The following MYT1L variants were observed in gnomAD, a reference collection of about 807,000 sequenced individuals.
MYT1L encodes the protein myelin transcription factor 1-like protein.
Under a neutral mutation model 126.7 loss-of-function variants are expected in MYT1L, and 12 were observed. The observed-to-expected ratio is 0.09, with a 90% CI of 0.06 to 0.15. The LOEUF is 0.15. Ranked by LOEUF, MYT1L falls within the 10% of genes least tolerant of loss-of-function variation. The pLI is 1.00. For missense variants in MYT1L, 979 were observed against 1,585.2 expected (o/e 0.62, Z 6.49); for synonymous variants, 541 against 604.2 (o/e 0.90, Z 1.53).
chr2:1,945,175 A>T (rs1364074953), intron 8 of MYT1L, among the ~76,000 whole-genome samples: 1 of 152,200 alleles, frequency 6.6e-6, no homozygotes, highest in Non-Finnish European at 1.5e-5. Flanking sequence ...GGTCCAATCA[A>T]CTTCGTGGAT....
intron 2 of MYT1L, among the ~76,000 whole-genome samples, chr2:2,267,093 A>G (rs950658099): frequency 1.3e-5 from 2 of 152,174 alleles, no homozygotes; most frequent in African/African-American, 4.8e-5. Context: ...CTGAGCCAGG[A>G]GGCGAATAGA....
intron 19 of MYT1L, among the ~76,000 whole-genome samples, chr2:1,847,559 G>A (rs2042669839): frequency 6.6e-6 from 1 of 152,102 alleles, no homozygotes; most frequent in Non-Finnish European, 1.5e-5. Context: ...GAGAAGGCCT[G>A]GGGGTCGGAG....
intron 16 of MYT1L, among the ~76,000 whole-genome samples, chr2:1,888,713 T>C (rs1157096596): frequency 6.6e-6 from 1 of 152,258 alleles, no homozygotes; most frequent in African/African-American, 2.4e-5. Flanking sequence ...TTGACATAGA[T>C]GTTTTAGTAA....
At chr2:1,823,612 G>A (rs961156666) in intron 21 of MYT1L, among the ~76,000 whole-genome samples, 3 of 150,532 alleles carry the variant, frequency 2.0e-5, no homozygotes, top group African/African-American at 7.3e-5. Flanking sequence ...TCAGCTGGCT[G>A]CATGTTCAGC....
At chr2:2,069,167 C>T (rs769486734) in intron 3 of MYT1L, among the ~76,000 whole-genome samples, 3 of 152,036 alleles carry the variant, frequency 2.0e-5, no homozygotes, top group Admixed American at 6.6e-5. Flanking sequence ...TGGTTTGCTA[C>T]ACCCGTCAAC....
intron 2 of MYT1L, among the ~76,000 whole-genome samples, chr2:2,175,953 T>A (rs1177823421): frequency 6.6e-6 from 1 of 152,236 alleles, no homozygotes; most frequent in Non-Finnish European, 1.5e-5. Flanking sequence ...GCCTGTACTA[T>A]GGAGTACATA....
intron 2 of MYT1L, among the ~76,000 whole-genome samples, chr2:2,182,276 G>A (rs1458257132): frequency 6.6e-6 from 1 of 152,170 alleles, no homozygotes; most frequent in Non-Finnish European, 1.5e-5. Flanking sequence ...CAGATTGTTA[G>A]AACAGTACCC....
At position 1,861,897 on chromosome 2, in the gene MYT1L, A is replaced by ACAGCCTGTGTAATCCTGGATCTGCCTG. The variant is rs2044701155; in HGVS notation, c.2712-10195_2712-10194insCAGGCAGATCCAGGATTACACAGGCTG. 1.6e-3 allele frequency among the ~76,000 whole-genome samples: 7 copies of ACAGCCTGTGTAATCCTGGATCTGCCTG among 4,368 alleles called. 2 individuals carry two copies. The highest frequency in any genetic ancestry group is 5.3e-3 in the African/African-American group (7 of 1,318). 2.9% of individuals were successfully genotyped at this position (4,368 alleles called of 152,430 possible). A position where few individuals can be genotyped will look rare whatever the true frequency, so the allele number is the denominator to read the frequency against. ...AGCCTGTGTAATCCTGGATCCTCCT[A>ACAGCCTGTGTAATCCTGGATCTGCCTG]CAGCCTGTGTAATCCTGGATCCTCC... On this transcript the variant is annotated intron_variant, in intron 18 of 24. Transcript: ENST00000647738.
chr2:1,903,693 C>T (rs2050642207), intron 13 of MYT1L, among the ~76,000 whole-genome samples: 1 of 152,096 alleles, frequency 6.6e-6, no homozygotes, highest in Non-Finnish European at 1.5e-5. Context: ...GATAAAAAAT[C>T]CCCCTTAAAA....
At chr2:2,093,568 T>C (rs941495232) in intron 3 of MYT1L, among the ~76,000 whole-genome samples, 5 of 152,176 alleles carry the variant, frequency 3.3e-5, no homozygotes, top group South Asian at 2.1e-4. Context: ...TTGTTTGAGT[T>C]CTTTGTAGAT....
chr2:1,998,784 C>T (rs1213732550), intron 4 of MYT1L, among the ~76,000 whole-genome samples: 1 of 152,110 alleles, frequency 6.6e-6, no homozygotes, highest in Non-Finnish European at 1.5e-5. Context: ...TCTGAACTAT[C>T]TTACAGAATC....
intron 3 of MYT1L, among the ~76,000 whole-genome samples, chr2:2,172,665 G>T (rs1050537292): frequency 1.4e-4 from 21 of 149,178 alleles, no homozygotes; most frequent in African/African-American, 5.2e-4. Context: ...TGCTGGGCAG[G>T]GGTACCTGTA....
chr2:2,260,185 C>T (rs1158981522), intron 2 of MYT1L, among the ~76,000 whole-genome samples: 5 of 152,306 alleles, frequency 3.3e-5, no homozygotes, highest in South Asian at 2.1e-4. Context: ...CCTGGCTCCC[C>T]GCTGACTGAT....
chr2:1,979,742 C>G lies in MYT1L; in HGVS notation c.36G>C (p.Thr12=), dbSNP rs544383762. The change falls in exon 6 of 25, where the codon ACG becomes ACC. Residue 12 remains threonine, a synonymous_variant. Coordinates refer to ENST00000647738, the MANE Select transcript of MYT1L (RefSeq NM_001303052.2). This position sits in a 1 kb window ranked among gnomAD's most constrained non-coding sequence, Gnocchi z 4.0. ...ACATACCTCGAACCCCTTTGGACCG[C>G]GTGCGATGCCGCTTCTCCTCGGTGT... ...EVDTEEKRHR[T]RSKGVRVPVE... is the part of the protein sequence containing the mutation. 3.1e-6 allele frequency: 5 copies of G among 1,613,874 alleles called. No individual in the cohort carries two copies. In the African/African-American group the frequency reaches 5.3e-5, roughly 17 times the overall value.
rs111255676 is a variant in MYT1L at position 2,081,347 on chromosome 2, G to A, written c.-303-27224C>T. On this transcript the variant is annotated intron_variant, in intron 3 of 24. Transcript: ENST00000647738. ...TAACGGCTGTATAAATGTTCCAGGA[G>A]TGGGTGGCAGTTCTGGACTCCTACT... Among the ~76,000 whole-genome samples, 1,305 of 152,262 alleles carry A rather than the reference G, an allele frequency of 8.6e-3. 19 individuals are homozygous for A. Among genetic ancestry groups the A allele is most frequent in the African/African-American group, 0.026 (1,090 of 41,528 alleles).
At position 1,813,181 on chromosome 2, in the gene MYT1L, G is replaced by A. The variant is rs75668294; in HGVS notation, c.3081-4014C>T. 3.5e-4 allele frequency among the ~76,000 whole-genome samples: 54 copies of A among 152,336 alleles called. No homozygotes were observed. In the East Asian group the frequency reaches 3.7e-3, roughly 10 times the overall value. On this transcript the variant is annotated intron_variant, in intron 21 of 24. Coordinates refer to ENST00000647738, the MANE Select transcript of MYT1L (RefSeq NM_001303052.2). ...TTGAGGGGCCAGGAGCTGCAGGTGG[G>A]GGGGAGAGAGGGAGGGCCACAAAGG...
At chr2:1,969,260 G>A (rs1305681184) in intron 8 of MYT1L, among the ~76,000 whole-genome samples, 5 of 152,218 alleles carry the variant, frequency 3.3e-5, no homozygotes, top group Admixed American at 6.5e-5. Context: ...CCCCACCACC[G>A]TTATGCGGAC....
At chr2:1,896,435 A>G (rs1573342282) in intron 14 of MYT1L, among the ~76,000 whole-genome samples, 2 of 152,308 alleles carry the variant, frequency 1.3e-5, no homozygotes, top group Admixed American at 1.3e-4. Flanking sequence ...GAATCAACCT[A>G]GGCGCCCATC....
intron 3 of MYT1L, among the ~76,000 whole-genome samples, chr2:2,069,446 C>T (rs2150218318): frequency 6.6e-6 from 1 of 152,244 alleles, no homozygotes; most frequent in Non-Finnish European, 1.5e-5. Context: ...GTATATGTGC[C>T]ACATTTGCTT....
Sources: allele counts gnomAD v4.1 joint callset (sites outside exome capture counted in the v4.1 genomes callset), GRCh38; gene constraint gnomAD v4.1.1; non-coding constraint Gnocchi (gnomAD v3.1); transcripts MANE v1.5; gene names NCBI Gene and HGNC (gene_info 2026-07-23, HGNC 2026-07-21).